Variants in CD1B observed in about 807,000 individuals in gnomAD.
CD1B encodes the protein CD1b molecule, also known as T-cell surface glycoprotein CD1b.
In CD1B, 43 loss-of-function variants were observed where a neutral mutation model predicts 39.8. The observed-to-expected ratio is 1.08, with a 90% CI of 0.85 to 1.39. The LOEUF (loss-of-function observed/expected upper bound fraction) is 1.39. Among genes scored for constraint, CD1B ranks in the 40% most tolerant of loss-of-function variants. The probability of loss-of-function intolerance (pLI) is 0.00; values close to 1 mark genes in which losing one functional copy is unlikely to be tolerated. For synonymous variants in CD1B, 192 were observed against 152.5 expected (o/e 1.26, Z -1.91); for missense variants, 495 against 403.8 (o/e 1.23, Z -1.94).
downstream of CD1B, among the ~76,000 whole-genome samples, chr1:158,326,002 C>T (rs1652337958): frequency 6.6e-6 from 1 of 152,140 alleles, no homozygotes; most frequent in African/African-American, 2.4e-5. Context: ...CGGAGTCTTG[C>T]TCTGTTGCCC....
the CD1B span, among the ~76,000 whole-genome samples, chr1:158,312,699 T>C: frequency 2.0e-5 from 3 of 152,252 alleles, no homozygotes; most frequent in African/African-American, 7.2e-5. Context: ...TGTATATGCA[T>C]TTAATATCCT....
At chr1:158,306,482 G>C in the CD1B span, among the ~76,000 whole-genome samples, 2 of 152,170 alleles carry the variant, frequency 1.3e-5, no homozygotes, top group Non-Finnish European at 2.9e-5. Flanking sequence ...ATAATAATGG[G>C]AGATTTTAAC....
chr1:158,293,612 A>C, the CD1B span: 1 of 1,597,284 alleles, frequency 6.3e-7, no homozygotes. Context: ...GTTAATAAAA[A>C]CCAAATTCTA....
the CD1B span, among the ~76,000 whole-genome samples, chr1:158,301,395 C>A: frequency 2.0e-5 from 3 of 152,130 alleles, no homozygotes; most frequent in Non-Finnish European, 4.4e-5. Context: ...ATGGTCTTTA[C>A]AATTTGGCAT....
chr1:158,325,716 TC>T (rs1652326860), downstream of CD1B, among the ~76,000 whole-genome samples: 1 of 152,088 alleles, frequency 6.6e-6, no homozygotes, highest in Non-Finnish European at 1.5e-5. Context: ...GTGATCTCAA[TC>T]TTTTTTTATT....
chr1:158,319,048 G>C, the CD1B span, among the ~76,000 whole-genome samples: 6 of 151,588 alleles, frequency 4.0e-5, no homozygotes, highest in Non-Finnish European at 8.8e-5. Context: ...TAGTCTGATG[G>C]GCTTCCCTTT....
chr1:158,286,824 CCCATAAATA>C, the CD1B span, among the ~76,000 whole-genome samples: 1 of 152,142 alleles, frequency 6.6e-6, no homozygotes, highest in Non-Finnish European at 1.5e-5. Context: ...GGGGGAATTT[CCCATAAATA>C]CTTTTTGTTT....
In CD1B at chr1:158,329,966, G is replaced by A. The variant is rs62642467; in HGVS notation, c.493C>T (p.Leu165=). ...GGSRAQKFCA[L]IIQYQGIMET... ...ATGATACCTTGATATTGTATGATTA[G>A]TGCACAGAATTTCTGTGCCCTGCTG... is the stretch of plus-strand genomic sequence containing the variant. Residue 165 remains leucine, a synonymous_variant, in exon 3 of 6, where the codon CTA becomes TTA. Transcript: ENST00000368168. The A allele has an allele frequency of 0.016, 26,373 of 1,613,846 alleles. 257 individuals are homozygous for A. The highest frequency in any genetic ancestry group is 0.019 in the Non-Finnish European group (22,337 of 1,179,904).
the CD1B span, chr1:158,292,618 C>T: frequency 7.4e-6 from 12 of 1,612,744 alleles, no homozygotes; most frequent in Non-Finnish European, 1.0e-5. Context: ...CCTGGCTGTC[C>T]AGTCGCCCCA....
At chr1:158,329,281 C>G in intron 4 of CD1B, 89 bp downstream of exon 4, 1 of 1,462,562 alleles carries the variant, frequency 6.8e-7, no homozygotes, top group Non-Finnish European at 9.3e-7. Flanking sequence ...CCTCTTTCAT[C>G]TCTCAAGCTC....
Position 158,328,375 on chromosome 1 carries a change from C to T in CD1B, c.981-118G>A, listed in dbSNP as rs3176845. On this transcript the variant is annotated intron_variant, in intron 5 of 5. Coordinates refer to ENST00000368168, the MANE Select transcript of CD1B (RefSeq NM_001764.3). ...AGCAACCCAAGTGTCCATAGATAGA[C>T]GAATGGATGAACAAAATGTGTTATA... 7.2e-3 allele frequency: 4,933 copies of T among 688,278 alleles called. 163 individuals are homozygous for T. The African/African-American group carries it at 0.076, about 11-fold the overall frequency. 42.6% of individuals were successfully genotyped at this position (688,278 alleles called of 1,614,324 possible).
chr1:158,299,542 A>C, the CD1B span, among the ~76,000 whole-genome samples: 1 of 152,160 alleles, frequency 6.6e-6, no homozygotes, highest in Admixed American at 6.5e-5. Context: ...TATTGATTGG[A>C]ATAGTTTCAG....
At chr1:158,324,907 G>C (rs186597727), downstream of CD1B, among the ~76,000 whole-genome samples, 4 of 152,148 alleles carry the variant, frequency 2.6e-5, no homozygotes, top group East Asian at 7.7e-4. Context: ...TCACAGATAG[G>C]ACAATTTGAG....
At chr1:158,307,062 G>T in the CD1B span, among the ~76,000 whole-genome samples, 10 of 152,184 alleles carry the variant, frequency 6.6e-5, no homozygotes, top group East Asian at 1.2e-3. Context: ...CTAGCAGAAG[G>T]CAAGAAATAA....
chr1:158,298,960 A>G, the CD1B span, among the ~76,000 whole-genome samples: 1 of 152,204 alleles, frequency 6.6e-6, no homozygotes, highest in African/African-American at 2.4e-5. Flanking sequence ...GTCATCTGCA[A>G]ACAGGGACAA....
At chr1:158,320,147 A>T in the CD1B span, among the ~76,000 whole-genome samples, 2 of 151,548 alleles carry the variant, frequency 1.3e-5, no homozygotes, top group African/African-American at 4.9e-5. Flanking sequence ...TGGAGCCTAC[A>T]GAGGCAGGCA....
chr1:158,298,871 C>T, the CD1B span, among the ~76,000 whole-genome samples: 1 of 152,160 alleles, frequency 6.6e-6, no homozygotes, highest in Non-Finnish European at 1.5e-5. Flanking sequence ...ATTTTGTATC[C>T]TGAGACTTTG....
chr1:158,328,207 G>T lies in CD1B; in HGVS notation c.*29C>A. On this transcript the variant is annotated 3_prime_UTR_variant, in exon 6 of 6. Coordinates refer to ENST00000368168, the MANE Select transcript of CD1B (RefSeq NM_001764.3). ...TATCTTGGGCTTCTTGGTACTTATTGCGAATGGGAGAGGAGACATGATGAT... is the reference window on the plus strand; with the variant it reads ...TATCTTGGGCTTCTTGGTACTTATTTCGAATGGGAGAGGAGACATGATGAT... 6.3e-7 allele frequency: 1 copy of T among 1,590,720 alleles called. No individual in the cohort carries two copies. The highest frequency in any genetic ancestry group is 8.6e-7 in the Non-Finnish European group (1 of 1,160,974).
Position 158,329,023 on chromosome 1 carries a change from T to C in CD1B, c.887-9A>G. 3 of 1,605,920 alleles carry C rather than the reference T, an allele frequency of 1.9e-6. No homozygotes were observed. The highest frequency in any genetic ancestry group is 2.6e-6 in the Non-Finnish European group (3 of 1,174,240). ...AATGGAGGTGGGGTTTCCTGGCAAT[T>C]GAGAGAGGACAAAAGGATGTCACTT... On this transcript the variant is annotated splice_polypyrimidine_tract_variant and intron_variant, in intron 4 of 5. Coordinates refer to ENST00000368168, the MANE Select transcript of CD1B (RefSeq NM_001764.3).
Sources: allele counts gnomAD v4.1 joint callset (sites outside exome capture counted in the v4.1 genomes callset), GRCh38; gene constraint gnomAD v4.1.1; transcripts MANE v1.5; gene names NCBI Gene and HGNC (gene_info 2026-07-23, HGNC 2026-07-21).